NFASC: variants seen among roughly 807,000 people sequenced by gnomAD.
NFASC encodes neurofascin homolog.
A neutral mutation model predicts 147.5 loss-of-function variants in NFASC; 43 were observed. The ratio of observed to expected loss-of-function variants is 0.29; its 90% CI spans 0.23 to 0.38. NFASC has a LOEUF of 0.38. Ranked by LOEUF, NFASC falls within the 10% of genes least tolerant of loss-of-function variation. The probability of loss-of-function intolerance (pLI) is 1.00; values close to 1 mark genes in which losing one functional copy is unlikely to be tolerated. For synonymous variants in NFASC, 622 were observed against 665.5 expected, an observed-to-expected ratio of 0.93 and a Z score of 1.01; for missense variants, 1,320 against 1,689.0, an observed-to-expected ratio of 0.78 and a Z score of 3.83.
intron 1 of NFASC, among the ~76,000 whole-genome samples, chr1:204,875,031 C>A (rs1187979889): frequency 6.6e-6 from 1 of 152,148 alleles, no homozygotes; most frequent in Non-Finnish European, 1.5e-5. Flanking sequence ...TAAGGTTACA[C>A]AGCAATTAGG....
intron 1 of NFASC, among the ~76,000 whole-genome samples, chr1:204,853,519 G>A (rs2075877998): frequency 6.6e-6 from 1 of 152,206 alleles, no homozygotes; most frequent in Non-Finnish European, 1.5e-5. Context: ...ACTTTGAGGT[G>A]TAGTTAAGCG....
intron 16 of NFASC, 160 bp downstream of exon 16, chr1:204,976,955 C>T (rs2095419322): frequency 7.1e-7 from 1 of 1,398,962 alleles, no homozygotes; most frequent in South Asian, 1.6e-5. Context: ...GGTTAGGGAG[C>T]TGCCAGTTTC....
Position 204,985,429 on chromosome 1 carries a change from G to A in NFASC, c.2471-1989G>A, listed in dbSNP as rs181808546. Among the ~76,000 whole-genome samples, 53 of 152,246 alleles carry A rather than the reference G, an allele frequency of 3.5e-4. 1 individual carries two copies. The South Asian group carries it at 1.0e-2, about 29-fold the overall frequency. On this transcript the variant is annotated intron_variant, in intron 21 of 29. Coordinates refer to ENST00000339876, the MANE Select transcript of NFASC (RefSeq NM_001005388.3). ...AACCCTTTCTCATATTCAGACTTCCGGGGGTAACTTGCTACCTTTCAACTG... is the reference window on the plus strand; with the variant it reads ...AACCCTTTCTCATATTCAGACTTCCAGGGGTAACTTGCTACCTTTCAACTG...
Position 204,987,621 on chromosome 1 carries a change from G to T in NFASC, c.2593+81G>T, listed in dbSNP as rs879822770. On this transcript the variant is annotated intron_variant, in intron 22 of 29. Coordinates refer to ENST00000339876, the MANE Select transcript of NFASC (RefSeq NM_001005388.3). The surrounding 1 kb of genome is among the most constrained non-coding windows in gnomAD (Gnocchi z 4.4). The stretch of plus-strand genomic sequence containing the variant: ...TCACCACTTTTCCTAAGGACTCAAG[G>T]TAGAAAGCCTGTGGGTGCAGATGGC... The T allele has an allele frequency of 1.3e-6, 2 of 1,547,862 alleles. No individual in the cohort carries two copies. Among genetic ancestry groups the T allele is most frequent in the Non-Finnish European group, 1.8e-6 (2 of 1,128,048 alleles).
intron 2 of NFASC, among the ~76,000 whole-genome samples, chr1:204,921,160 G>T (rs2090405518): frequency 6.6e-6 from 1 of 152,186 alleles, no homozygotes; most frequent in Non-Finnish European, 1.5e-5. Context: ...GGGGCATTGG[G>T]CCCTGGCAGA....
chr1:204,977,552 G>T, intron 16 of NFASC, 129 bp from the exon 17 acceptor site: 1 of 715,198 alleles, frequency 1.4e-6, no homozygotes, highest in South Asian at 2.2e-5. Flanking sequence ...GAAGGACGGG[G>T]ACAGCCCTGC....
intron 16 of NFASC, 66 bp from the exon 17 acceptor site, chr1:204,977,615 A>T: frequency 6.7e-7 from 1 of 1,497,974 alleles, no homozygotes; most frequent in Non-Finnish European, 9.2e-7. Context: ...GCCTACCCCC[A>T]TCCTTCTAGA....
chr1:205,001,320 A>C (rs184644437), intron 26 of NFASC, 34 bp downstream of exon 26: 9 of 1,427,438 alleles, frequency 6.3e-6, no homozygotes, highest in Non-Finnish European at 7.8e-6. Context: ...TGGTGGCGGC[A>C]GCGGCGTCGG....
chr1:204,902,056 G>A (rs1190986363), intron 1 of NFASC, among the ~76,000 whole-genome samples: 1 of 152,160 alleles, frequency 6.6e-6, no homozygotes, highest in Non-Finnish European at 1.5e-5. Context: ...CACTTTAGAA[G>A]GCCGAGGCGG....
At chr1:204,871,586 A>G (rs746911794) in intron 1 of NFASC, among the ~76,000 whole-genome samples, 3 of 152,180 alleles carry the variant, frequency 2.0e-5, no homozygotes, top group Non-Finnish European at 4.4e-5. Flanking sequence ...ATCTCAAACC[A>G]GCTGTCTCCC....
intron 1 of NFASC, among the ~76,000 whole-genome samples, chr1:204,900,003 T>C (rs1262925245): frequency 6.6e-6 from 1 of 152,210 alleles, no homozygotes; most frequent in African/African-American, 2.4e-5. Context: ...TGATCCATTA[T>C]AGTGGATGTG....
intron 1 of NFASC, among the ~76,000 whole-genome samples, chr1:204,917,009 A>G (rs1438820278): frequency 6.6e-6 from 1 of 152,216 alleles, no homozygotes; most frequent in Non-Finnish European, 1.5e-5. Context: ...TGAGTTCAAG[A>G]GTTCAAGTCC....
chr1:204,830,483 C>T (rs932519722), intron 1 of NFASC, among the ~76,000 whole-genome samples: 21 of 152,278 alleles, frequency 1.4e-4, no homozygotes, highest in African/African-American at 5.1e-4. Flanking sequence ...GGGCCTGCTA[C>T]GCAGCTAATA....
intron 3 of NFASC, 196 bp downstream of exon 3, chr1:204,944,602 G>A (rs2093590292): frequency 1.7e-6 from 1 of 574,184 alleles, no homozygotes; most frequent in Non-Finnish European, 3.0e-6. Context: ...GAGACTGTAT[G>A]TTGCAGAGCC....
intron 2 of NFASC, 57 bp downstream of exon 2, chr1:204,920,797 A>T (rs1323250115): frequency 3.7e-6 from 3 of 811,194 alleles, no homozygotes; most frequent in Middle Eastern, 3.8e-4. Context: ...ATGAGGGGAC[A>T]TTCTCGCCTC....
chr1:204,974,123 G>T, intron 12 of NFASC, 56 bp from the exon 13 acceptor site: 1 of 1,404,852 alleles, frequency 7.1e-7, no homozygotes, highest in Non-Finnish European at 9.9e-7. Flanking sequence ...GACCGAGGGG[G>T]AAGAGATGGA....
intron 1 of NFASC, among the ~76,000 whole-genome samples, chr1:204,916,196 C>G (rs1245429474): frequency 6.6e-6 from 1 of 152,212 alleles, no homozygotes; most frequent in Non-Finnish European, 1.5e-5. Context: ...CAGAGCTGCT[C>G]TTCTTGCAAA....
chr1:204,876,720 G>T (rs1266794658), intron 1 of NFASC, among the ~76,000 whole-genome samples: 1 of 151,898 alleles, frequency 6.6e-6, no homozygotes, highest in Admixed American at 6.6e-5. Flanking sequence ...TTTGTGTCTG[G>T]CTTATCTCAC....
chr1:204,915,076 G>A (rs192994784), intron 1 of NFASC, among the ~76,000 whole-genome samples: 2 of 152,204 alleles, frequency 1.3e-5, no homozygotes, highest in African/African-American at 4.8e-5. Context: ...TCAGGAGATC[G>A]AGACCATCCT....
Sources: allele counts gnomAD v4.1 joint callset (sites outside exome capture counted in the v4.1 genomes callset), GRCh38; gene constraint gnomAD v4.1.1; non-coding constraint Gnocchi (gnomAD v3.1); transcripts MANE v1.5; gene names NCBI Gene and HGNC (gene_info 2026-07-23, HGNC 2026-07-21).